The following IPO11 variants were observed in gnomAD, a reference collection of about 807,000 sequenced individuals.
IPO11 encodes importin-11.
In IPO11, 66 loss-of-function variants were observed where a neutral mutation model predicts 143.2. The observed-to-expected ratio is 0.46, with a 90% CI of 0.38 to 0.57. The LOEUF is 0.57. IPO11 is among the 20% of genes least tolerant of loss of function. The probability of loss-of-function intolerance (pLI) is 0.00; values close to 1 mark genes in which losing one functional copy is unlikely to be tolerated. For missense variants in IPO11, 1,026 were observed against 1,141.0 expected, an observed-to-expected ratio of 0.90 and a Z score of 1.45; for synonymous variants, 385 against 377.8, an observed-to-expected ratio of 1.02 and a Z score of -0.22.
At chr5:62,569,072 G>A (rs1744051687) in intron 27 of IPO11, among the ~76,000 whole-genome samples, 1 of 152,044 alleles carries the variant, frequency 6.6e-6, no homozygotes, top group East Asian at 1.9e-4. Flanking sequence ...CCCTCATATG[G>A]AAGGAATTTC....
At chr5:62,561,508 T>G (rs1040259600) in intron 27 of IPO11, among the ~76,000 whole-genome samples, 1 of 152,066 alleles carries the variant, frequency 6.6e-6, no homozygotes, top group Non-Finnish European at 1.5e-5. Flanking sequence ...TATTTCATTC[T>G]TGTCTGAATT....
intron 24 of IPO11, 29 bp downstream of exon 24, chr5:62,537,318 T>G (rs751128083): frequency 5.3e-6 from 7 of 1,312,576 alleles, no homozygotes; most frequent in Non-Finnish European, 7.6e-6. Context: ...ATGAATATAT[T>G]TATGAATTTT....
At chr5:62,494,206 T>A (rs150723685) in intron 16 of IPO11, 82 bp downstream of exon 16, 2 of 1,284,844 alleles carry the variant, frequency 1.6e-6, no homozygotes, top group Admixed American at 4.7e-5. Context: ...AGTTTATGTC[T>A]TTTCTTTATG....
intron 3 of IPO11, chr5:62,443,398 T>C (rs1580184707): frequency 6.0e-6 from 1 of 165,594 alleles, no homozygotes. Context: ...TGTGTGTGTG[T>C]GTGTGTGTGT....
intron 29 of IPO11, among the ~76,000 whole-genome samples, chr5:62,618,375 C>G (rs1000243482): frequency 6.6e-6 from 1 of 151,778 alleles, no homozygotes; most frequent in Non-Finnish European, 1.5e-5. Context: ...TAAATGAACT[C>G]TACTTATGTC....
At chr5:62,593,566 G>A (rs569082307) in intron 28 of IPO11, among the ~76,000 whole-genome samples, 71 of 152,278 alleles carry the variant, frequency 4.7e-4, no homozygotes, top group South Asian at 1.9e-3. Flanking sequence ...AGGTCTCCAT[G>A]TGCCAAGCTC....
At chr5:62,484,588 G>T (rs149169798) in intron 11 of IPO11, among the ~76,000 whole-genome samples, 276 of 134,270 alleles carry the variant, frequency 2.1e-3, no homozygotes, top group African/African-American at 7.3e-3. Flanking sequence ...CTTTATATCT[G>T]TTTGAATTTT....
chr5:62,536,049 G>A (rs369220191), intron 22 of IPO11, among the ~76,000 whole-genome samples: 2 of 152,048 alleles, frequency 1.3e-5, no homozygotes, highest in South Asian at 2.1e-4. Flanking sequence ...AGCTAAAAAC[G>A]ATATCCTTTT....
intron 5 of IPO11, among the ~76,000 whole-genome samples, chr5:62,460,125 A>C (rs1745303586): frequency 6.6e-6 from 1 of 152,134 alleles, no homozygotes; most frequent in East Asian, 1.9e-4. Context: ...TTATTTTTTA[A>C]GTATTTAACT....
chr5:62,585,278 C>G (rs1221618572), intron 27 of IPO11, among the ~76,000 whole-genome samples: 2 of 152,096 alleles, frequency 1.3e-5, no homozygotes, highest in African/African-American at 4.8e-5. Flanking sequence ...TTCAAAACTC[C>G]CTTATCCTCA....
chr5:62,443,263 G>GTGAA (rs1459381569), intron 3 of IPO11, 180 bp downstream of exon 3: 1 of 447,302 alleles, frequency 2.2e-6, no homozygotes, highest in Non-Finnish European at 3.9e-6. Context: ...GTGGAGATTT[G>GTGAA]TGAAGTGTTT....
intron 28 of IPO11, among the ~76,000 whole-genome samples, chr5:62,600,211 T>C (rs1324826307): frequency 1.6e-4 from 24 of 152,154 alleles, no homozygotes; most frequent in Non-Finnish European, 2.9e-5. Flanking sequence ...GGCTAGTTTT[T>C]GTATTTTTTC....
rs186284138 is a variant in IPO11, at chr5:62,548,213, T to A, written c.2251-2154T>A. On this transcript the variant is annotated intron_variant, in intron 24 of 29. Transcript: ENST00000325324. ...TTACTTCTCCTTTTCTGTACAATCTTTTGTATTCTCTGGAAGTAATACTTA... is the reference window on the plus strand; with the variant it reads ...TTACTTCTCCTTTTCTGTACAATCTATTGTATTCTCTGGAAGTAATACTTA... 6.3e-3 allele frequency among the ~76,000 whole-genome samples: 960 copies of A among 152,332 alleles called. 7 individuals carry two copies. Among genetic ancestry groups the A allele is most frequent in the Non-Finnish European group, 9.9e-3 (670 of 68,020 alleles).
chr5:62,447,246 C>T (rs1744751740), intron 3 of IPO11, among the ~76,000 whole-genome samples: 1 of 152,042 alleles, frequency 6.6e-6, no homozygotes, highest in Non-Finnish European at 1.5e-5. Flanking sequence ...GCTGTGACTA[C>T]ATGTGTGTGC....
At chr5:62,478,302 A>T (rs1054842058) in intron 9 of IPO11, among the ~76,000 whole-genome samples, 1 of 151,932 alleles carries the variant, frequency 6.6e-6, no homozygotes, top group African/African-American at 2.4e-5. Flanking sequence ...AGTAGCTGGG[A>T]CCAGAGGCAC....
rs539483675 is a variant in IPO11 at position 62,482,284 on chromosome 5, C to T, written c.829-817C>T. ...GAAGGGTTTTTTTGTGTCTCTGTCT[C>T]CTTCAGTTCTGCTCTGATCTTAGTT... On this transcript the variant is annotated intron_variant, in intron 9 of 29. Coordinates refer to ENST00000325324, the MANE Select transcript of IPO11 (RefSeq NM_016338.5). Among the ~76,000 whole-genome samples, 5 of 152,244 alleles carry T rather than the reference C, an allele frequency of 3.3e-5. No individual in the cohort carries two copies. In the East Asian group the frequency reaches 9.6e-4, roughly 29 times the overall value.
chr5:62,464,469 T>G lies in IPO11; in HGVS notation c.517-2662T>G, dbSNP rs151184616. 1.5e-4 allele frequency among the ~76,000 whole-genome samples: 22 copies of G among 149,488 alleles called. No individual in the cohort carries two copies. The East Asian group carries it at 2.1e-3, about 15-fold the overall frequency. On this transcript the variant is annotated intron_variant, in intron 5 of 29. Transcript: ENST00000325324. ...TTTTTTATTGTTGTTGTTTTCTTCG[T>G]TTTTTTTTGTTTGTTTTTGAGGCAG...
At chr5:62,555,268 AT>A (rs948137959) in intron 26 of IPO11, among the ~76,000 whole-genome samples, 15 of 144,148 alleles carry the variant, frequency 1.0e-4, no homozygotes, top group South Asian at 2.2e-4. Context: ...TATTTTTTGT[AT>A]TTTTTTTTTA....
intron 26 of IPO11, among the ~76,000 whole-genome samples, chr5:62,556,963 G>A (rs1006914702): frequency 6.6e-6 from 1 of 151,994 alleles, no homozygotes; most frequent in Non-Finnish European, 1.5e-5. Context: ...ACTTCTACTT[G>A]ATGAGGGCTC....
Sources: gnomAD v4.1 joint callset for allele counts (sites outside exome capture counted in the v4.1 genomes callset) on GRCh38, gnomAD v4.1.1 for gene constraint, MANE v1.5 for transcripts, NCBI Gene and HGNC (gene_info 2026-07-23, HGNC 2026-07-21) for gene names.